Variants in IGSF10 observed in about 807,000 individuals in gnomAD.
IGSF10 encodes calvaria mechanical force protein 608.
A neutral mutation model predicts 128.2 loss-of-function variants in IGSF10; 126 were observed. The observed-to-expected ratio is 0.98, with a 90% CI of 0.85 to 1.14. The LOEUF (loss-of-function observed/expected upper bound fraction) is 1.14, where lower values mean the gene tolerates loss of function less well. Among genes scored for constraint, IGSF10 ranks in the 50% most tolerant of loss-of-function variants. The pLI is 0.00. For synonymous variants in IGSF10, 1,185 were observed against 1,146.2 expected (o/e 1.03, Z -0.68); for missense variants, 3,295 against 3,149.8 (o/e 1.05, Z -1.10).
chr3:151,432,816 G>C (rs772503725), downstream of IGSF10: 3 of 1,608,190 alleles, frequency 1.9e-6, no homozygotes, highest in African/African-American at 4.0e-5. Flanking sequence ...TCTGCAAGAG[G>C]AGAAGACATG....
the IGSF10 span, among the ~76,000 whole-genome samples, chr3:151,535,599 G>C: frequency 2.6e-5 from 4 of 151,890 alleles, no homozygotes; most frequent in Admixed American, 1.3e-4. Flanking sequence ...TAAAATAAAA[G>C]TTAAAATTAT....
chr3:151,438,768 GGT>G (rs566871678), intron 7 of IGSF10, among the ~76,000 whole-genome samples, 171 bp from the exon 8 acceptor site: 2 of 150,264 alleles, frequency 1.3e-5, no homozygotes, highest in Non-Finnish European at 2.9e-5. Context: ...TACATTTTGA[GGT>G]GTGTGTGTAT....
At chr3:151,501,195 G>A in the IGSF10 span, among the ~76,000 whole-genome samples, 1 of 152,088 alleles carries the variant, frequency 6.6e-6, no homozygotes, top group South Asian at 2.1e-4. Context: ...GGCAGTTTGA[G>A]GACTTTTTAT....
At position 151,437,307 on chromosome 3, in the gene IGSF10, G is replaced by T. The variant is rs111254790; in HGVS notation, c.7254C>A (p.Gly2418=). 6.2e-7 allele frequency: 1 copy of T among 1,614,122 alleles called. No individual in the cohort carries two copies. Among genetic ancestry groups the T allele is most frequent in the Admixed American group, 1.7e-5 (1 of 60,016 alleles). The change falls in exon 8 of 8, where the codon GGC becomes GGA. Residue 2418 remains glycine (G), a synonymous_variant. Transcript: ENST00000282466. ...CTAATATGACTAATTTCTCAATATA[G>T]CCAACTTTATTCCTAGCTGCACAGC... is the stretch of plus-strand genomic sequence containing the variant. The part of the protein sequence containing the change: ...KYRCAARNKV[G]YIEKLVILEI...
At chr3:151,580,523 G>C in the IGSF10 span, among the ~76,000 whole-genome samples, 1 of 152,158 alleles carries the variant, frequency 6.6e-6, no homozygotes, top group Non-Finnish European at 1.5e-5. Context: ...ATAAATGTTT[G>C]TTGAAGCATT....
chr3:151,524,399 TTAGA>T, the IGSF10 span, among the ~76,000 whole-genome samples: 1,167 of 152,196 alleles, frequency 7.7e-3, 10 homozygotes, highest in African/African-American at 0.027. Flanking sequence ...CAATGACAGA[TTAGA>T]TAAAGAAATG....
chr3:151,489,597 T>A, the IGSF10 span, among the ~76,000 whole-genome samples: 9 of 151,942 alleles, frequency 5.9e-5, no homozygotes, highest in Non-Finnish European at 1.2e-4. Flanking sequence ...ATAGACTAGA[T>A]AAAGAAAATG....
chr3:151,530,841 C>T, the IGSF10 span, among the ~76,000 whole-genome samples: 692 of 152,198 alleles, frequency 4.5e-3, 3 homozygotes, highest in African/African-American at 0.014. Flanking sequence ...ATCATAATGA[C>T]GGGATCCAAT....
chr3:151,617,321 C>CTTCTTCTTCTT, the IGSF10 span, among the ~76,000 whole-genome samples: 27 of 36,074 alleles, frequency 7.5e-4, no homozygotes, highest in Admixed American at 1.1e-3. Context: ...TTCTTCTTCC[C>CTTCTTCTTCTT]CTCCTCCTCC....
chr3:151,559,108 A>G, the IGSF10 span, among the ~76,000 whole-genome samples: 1 of 152,210 alleles, frequency 6.6e-6, no homozygotes, highest in African/African-American at 2.4e-5. Flanking sequence ...TCTTTGGGCT[A>G]ATTATAGTCA....
At chr3:151,473,610 A>G in the IGSF10 span, among the ~76,000 whole-genome samples, 2 of 152,166 alleles carry the variant, frequency 1.3e-5, no homozygotes, top group Non-Finnish European at 2.9e-5. Flanking sequence ...CACCCTTACT[A>G]TATATTATAA....
Position 151,443,201 on chromosome 3 carries a change from CATAAGTGCCCCTG to C in IGSF10, c.5733_5745del (p.Asp1911GlufsTer15). On this transcript the variant is annotated frameshift_variant, in exon 7 of 8. Transcript: ENST00000282466. LOFTEE classifies it high-confidence loss of function. ...CCAGTGGAACTGGTAGCAATGCATT[CATAAGTGCCCCTG>C]TCTGAAGAGGCTAGGTTTCTTATAT... 1.2e-6 allele frequency: 2 copies of C among 1,614,144 alleles called. No homozygotes were observed. The highest frequency in any genetic ancestry group is 1.7e-6 in the Non-Finnish European group (2 of 1,179,970).
At chr3:151,496,488 T>C in the IGSF10 span, among the ~76,000 whole-genome samples, 1 of 142,510 alleles carries the variant, frequency 7.0e-6, no homozygotes, top group Non-Finnish European at 1.5e-5. Context: ...AGAATGATGG[T>C]TTCCAGCTTC....
At position 151,453,493 on chromosome 3, in the gene IGSF10, T is replaced by G; in HGVS notation, c.606A>C (p.Gln202His). Reference protein sequence around the residue: ...LSDNFLTSLPQEMVSYMPDLD... With the variant: ...LSDNFLTSLPHEMVSYMPDLD... ...GGTCAGGCATATAGGAGACCATCTC[T>G]TGAGGGAGGGAGGTCAGGAAGTTAT... The change falls in exon 5 of 8, where the codon CAA becomes CAC. Residue 202 changes from glutamine to histidine, a missense_variant. By Grantham distance (24) the Gln-to-His change is conservative (BLOSUM62 0). Transcript: ENST00000282466. The G allele has an allele frequency of 6.2e-7, 1 of 1,613,976 alleles. No individual in the cohort carries two copies. Among genetic ancestry groups the G allele is most frequent in the Non-Finnish European group, 8.5e-7 (1 of 1,179,880 alleles).
the IGSF10 span, among the ~76,000 whole-genome samples, chr3:151,510,034 G>C: frequency 6.6e-6 from 1 of 152,302 alleles, no homozygotes; most frequent in Admixed American, 6.5e-5. Context: ...GCCTCTGTAG[G>C]CTCCACCTCT....
the IGSF10 span, among the ~76,000 whole-genome samples, chr3:151,540,322 TA>T: frequency 6.6e-6 from 1 of 152,204 alleles, no homozygotes; most frequent in African/African-American, 2.4e-5. Flanking sequence ...AGGGTAAGTT[TA>T]CCTGAATTTC....
chr3:151,504,658 A>ACTAT, the IGSF10 span, among the ~76,000 whole-genome samples: 125,019 of 151,966 alleles, frequency 0.82, 51,521 homozygotes, highest in Middle Eastern at 0.93. Context: ...AAGCTAGCTG[A>ACTAT]CTATTTTAAG....
the IGSF10 span, among the ~76,000 whole-genome samples, chr3:151,543,569 GCT>G: frequency 6.6e-6 from 1 of 152,106 alleles, no homozygotes; most frequent in Non-Finnish European, 1.5e-5. Context: ...AGCTTTGCTT[GCT>G]CTCTCTCTTT....
chr3:151,595,555 G>A, the IGSF10 span, among the ~76,000 whole-genome samples: 5 of 148,688 alleles, frequency 3.4e-5, no homozygotes, highest in African/African-American at 9.8e-5. Flanking sequence ...GAATAAAAAT[G>A]ATCTATATAT....
Sources: gnomAD v4.1 joint callset for allele counts (sites outside exome capture counted in the v4.1 genomes callset) on GRCh38, gnomAD v4.1.1 for gene constraint, MANE v1.5 for transcripts, NCBI Gene and HGNC (gene_info 2026-07-23, HGNC 2026-07-21) for gene names.